TIMM50: variants seen among roughly 807,000 people sequenced by gnomAD.
The protein encoded by TIMM50 is mitochondrial import inner membrane translocase subunit TIM50.
Under a neutral mutation model 49.6 loss-of-function variants are expected in TIMM50, and 34 were observed. The ratio of observed to expected loss-of-function variants is 0.69; its 90% CI spans 0.52 to 0.91. TIMM50 has a LOEUF of 0.91. Among genes scored for constraint, TIMM50 ranks in the 40% least tolerant of loss-of-function variants. TIMM50 has a pLI of 0.00. For missense variants in TIMM50, 458 were observed against 477.8 expected, an observed-to-expected ratio of 0.96 and a Z score of 0.39; for synonymous variants, 199 against 198.4, an observed-to-expected ratio of 1.00 and a Z score of -0.03.
At position 39,485,684 on chromosome 19, in the gene TIMM50, A is replaced by C; in HGVS notation, c.373-4A>C. 3.7e-6 allele frequency: 6 copies of C among 1,613,914 alleles called. No homozygotes were observed. Among genetic ancestry groups the C allele is most frequent in the Non-Finnish European group, 5.1e-6 (6 of 1,179,988 alleles). The stretch of plus-strand genomic sequence containing the variant: ...AGCGCCCCCATCCTGTCCCTCTCCC[A>C]CAGATGATCATCGAGCCCACCAGCC... On this transcript the variant is annotated splice_polypyrimidine_tract_variant and splice_region_variant and intron_variant, in intron 5 of 10. Transcript: ENST00000607714.
Position 39,490,743 on chromosome 19 carries a change from G to A in TIMM50, c.*923G>A, listed in dbSNP as rs1481315203. ...CTATTTTAAAATGTTGGCTCCTAGC[G>A]GGGCGCAGTGGCTCACGCCTGTAAT... On this transcript the variant is annotated 3_prime_UTR_variant, in exon 11 of 11. Coordinates refer to ENST00000607714, the MANE Select transcript of TIMM50 (RefSeq NM_001001563.5). 1.3e-5 allele frequency: 2 copies of A among 151,928 alleles called. No individual in the cohort carries two copies. The highest frequency in any genetic ancestry group is 2.9e-5 in the Non-Finnish European group (2 of 68,000). 9.4% of individuals were successfully genotyped at this position (151,928 alleles called of 1,614,324 possible). A position where few individuals can be genotyped will look rare whatever the true frequency, so the allele number is the denominator to read the frequency against.
At position 39,493,488 on chromosome 19, in the gene TIMM50, A is replaced by C. The variant is rs2079561617; in HGVS notation, c.*3668A>C. 7.4e-6 allele frequency: 1 copy of C among 135,114 alleles called. No individual in the cohort carries two copies. The highest frequency in any genetic ancestry group is 1.5e-5 in the Non-Finnish European group (1 of 65,720). The allele number at this position is 135,114 out of a possible 1,614,324, so 8.4% of individuals were successfully genotyped here. On this transcript the variant is annotated 3_prime_UTR_variant, in exon 11 of 11. Transcript: ENST00000607714. The stretch of plus-strand genomic sequence containing the variant: ...CCAGATGGCCTGAAGTAACTGAAGA[A>C]TCACAAAAGAAGTGAAAAGGCCCTG...
chr19:39,486,865 T>C (rs1424672859), intron 8 of TIMM50, among the ~76,000 whole-genome samples: 1 of 152,232 alleles, frequency 6.6e-6, no homozygotes, highest in Non-Finnish European at 1.5e-5. Context: ...CGGGCTCTGT[T>C]ACTGTGGCCA....
intron 1 of TIMM50, chr19:39,481,245 G>C: frequency 2.0e-6 from 1 of 491,090 alleles, no homozygotes; most frequent in Non-Finnish European, 3.6e-6. Flanking sequence ...ACTTGAGCAG[G>C]AGGGGCCTGG....
At chr19:39,485,664 C>T in intron 5 of TIMM50, 24 bp from the exon 6 acceptor site, 1 of 1,614,110 alleles carries the variant, frequency 6.2e-7, no homozygotes, top group Non-Finnish European at 8.5e-7. Context: ...GTCTGAGCGC[C>T]CCCATCCTGT....
At position 39,489,799 on chromosome 19, in the gene TIMM50, G is replaced by T. The variant is rs1009361023; in HGVS notation, c.1041G>T (p.Trp347Cys). ...TTGGCTCCCTCACCAGCCGCTTGTG[G>T]CCTCGCTCCAAACAGCCCTGAACTC... is the stretch of plus-strand genomic sequence containing the variant. ...LFLGSLTSRL[W>C]PRSKQP The change falls in exon 11 of 11, where the codon TGG (tryptophan) becomes TGT (cysteine). Residue 347 changes from tryptophan to cysteine, a missense_variant. Physicochemically the swap from Trp to Cys is radical, Grantham distance 215. Transcript: ENST00000607714. 2 of 1,610,174 alleles carry T rather than the reference G, an allele frequency of 1.2e-6. No homozygotes were observed. Among genetic ancestry groups the T allele is most frequent in the South Asian group, 1.1e-5 (1 of 89,790 alleles).
At position 39,486,475 on chromosome 19, in the gene TIMM50, A is replaced by G. The variant is rs778570845; in HGVS notation, c.676A>G (p.Met226Val). 1.1e-5 allele frequency: 18 copies of G among 1,613,994 alleles called. No individual in the cohort carries two copies. In the Admixed American group the frequency reaches 1.7e-4, roughly 15 times the overall value. The part of the protein sequence containing the change: ...YRLFRDATRY[M>V]DGHHVKDISC... ...CCTATTCCGGGACGCCACAAGATAC[A>G]TGGATGGACACCATGTAAAGGTGCC... The change falls in exon 8 of 11, where the codon ATG becomes GTG. Residue 226 changes from methionine to valine, a missense_variant. Physicochemically the swap from Met to Val is conservative, Grantham distance 21. Transcript: ENST00000607714.
At position 39,491,845 on chromosome 19, in the gene TIMM50, A is replaced by C. The variant is rs959494625; in HGVS notation, c.*2025A>C. ...CTGTCTCAAAAAAAAAAAAAAAAAA[A>C]AAAAAACCTTAAGATTTTTTTTTGG... is the stretch of plus-strand genomic sequence containing the variant. On this transcript the variant is annotated 3_prime_UTR_variant, in exon 11 of 11. Transcript: ENST00000607714. 9 of 151,372 alleles carry C rather than the reference A, an allele frequency of 5.9e-5. No homozygotes were observed. The highest frequency in any genetic ancestry group is 1.2e-4 in the Non-Finnish European group (8 of 67,926). The allele number at this position is 151,372 out of a possible 1,614,324, so 9.4% of individuals were successfully genotyped here. A position where few individuals can be genotyped will look rare whatever the true frequency, so the allele number is the denominator to read the frequency against.
rs77082534 is a variant in TIMM50, at chr19:39,484,643, G to T, written c.314-901G>T. 5.0e-3 allele frequency among the ~76,000 whole-genome samples: 756 copies of T among 152,162 alleles called. 6 individuals carry two copies. Among genetic ancestry groups the T allele is most frequent in the African/African-American group, 0.017 (726 of 41,520 alleles). On this transcript the variant is annotated intron_variant, in intron 4 of 10. Transcript: ENST00000607714. ...CAGGGGTAGGCAGATAGACAAAATT[G>T]TTCCTAGTTCTGAACCACTGTTTTA... is the stretch of plus-strand genomic sequence containing the variant.
In TIMM50 at chr19:39,490,089, T is replaced by G; in HGVS notation, c.*269T>G. 1 of 511,468 alleles carries G rather than the reference T, an allele frequency of 2.0e-6. No homozygotes were observed. Among genetic ancestry groups the G allele is most frequent in the Non-Finnish European group, 3.5e-6 (1 of 283,058 alleles). 31.7% of individuals were successfully genotyped at this position (511,468 alleles called of 1,614,324 possible). ...TCTCGGAATCTAAAAACCCTCGCTG[T>G]GTCTTCCTGTGTGTTGCGTGATCTG... On this transcript the variant is annotated 3_prime_UTR_variant, in exon 11 of 11. Coordinates refer to ENST00000607714, the MANE Select transcript of TIMM50 (RefSeq NM_001001563.5).
At position 39,493,709 on chromosome 19, in the gene TIMM50, A is replaced by T. The variant is rs185731941; in HGVS notation, c.*3889A>T. On this transcript the variant is annotated 3_prime_UTR_variant, in exon 11 of 11. Transcript: ENST00000607714. ...AATACTATAAAACAGCCCCACCCCT[A>T]TCTCCCTTCGCTGACTCTTTTCGGA... 1 of 151,662 alleles carries T rather than the reference A, an allele frequency of 6.6e-6. No individual in the cohort carries two copies. Among genetic ancestry groups the T allele is most frequent in the African/African-American group, 2.4e-5 (1 of 41,276 alleles). 9.4% of individuals were successfully genotyped at this position (151,662 alleles called of 1,614,324 possible).
intron 8 of TIMM50, 73 bp from the exon 9 acceptor site, chr19:39,487,988 T>G: frequency 6.5e-7 from 1 of 1,546,930 alleles, no homozygotes; most frequent in Non-Finnish European, 8.7e-7. Context: ...ATGTATGTTT[T>G]GTGTGTTTTG....
At position 39,482,005 on chromosome 19, in the gene TIMM50, T is replaced by C. The variant is rs767685300; in HGVS notation, c.231T>C (p.Gly77=). The C allele has an allele frequency of 6.2e-7, 1 of 1,614,164 alleles. No homozygotes were observed. Among genetic ancestry groups the C allele is most frequent in the Admixed American group, 1.7e-5 (1 of 60,014 alleles). Residue 77 remains glycine, a synonymous_variant, in exon 2 of 11, where the codon GGT becomes GGC. Transcript: ENST00000607714. Reference sequence around the variant, plus strand: ...GGCTTGCTGGGCTGCTTGGAGCTGGTGGGACTGTGAGCGTCGTCTATATCT... The same window carrying C: ...GGCTTGCTGGGCTGCTTGGAGCTGGCGGGACTGTGAGCGTCGTCTATATCT... ...ALWLAGLLGA[G]GTVSVVYIFG... is the part of the protein sequence containing the mutation.
chr19:39,486,166 C>T, intron 6 of TIMM50, 21 bp from the exon 7 acceptor site: 1 of 1,612,312 alleles, frequency 6.2e-7, no homozygotes, highest in Non-Finnish European at 8.5e-7. Context: ...TGGTGTTTCA[C>T]TGTCCTCACT....
intron 9 of TIMM50, 102 bp from the exon 10 acceptor site, chr19:39,488,437 C>A: frequency 8.5e-7 from 1 of 1,170,002 alleles, no homozygotes; most frequent in Non-Finnish European, 1.3e-6. Context: ...TTCCAGGTAG[C>A]ACTGACTGCC....
At position 39,489,713 on chromosome 19, in the gene TIMM50, C is replaced by G. The variant is rs1304680253; in HGVS notation, c.961-6C>G. The G allele has an allele frequency of 4.4e-6, 7 of 1,602,354 alleles. No individual in the cohort carries two copies. Among genetic ancestry groups the G allele is most frequent in the Non-Finnish European group, 6.0e-6 (7 of 1,174,968 alleles). On this transcript the variant is annotated splice_polypyrimidine_tract_variant and splice_region_variant and intron_variant, in intron 10 of 10. Coordinates refer to ENST00000607714, the MANE Select transcript of TIMM50 (RefSeq NM_001001563.5). Reference sequence around the variant, plus strand: ...ACCCTCTCCTCCAACTGTCCCCCTACCCCAGGAGGAGCAGCAGCGCCTGGC... The same window carrying G: ...ACCCTCTCCTCCAACTGTCCCCCTAGCCCAGGAGGAGCAGCAGCGCCTGGC...
At position 39,489,931 on chromosome 19, in the gene TIMM50, G is replaced by T; in HGVS notation, c.*111G>T. ...GTACATCCCAGACGCCACACCTGCT[G>T]TGTCCCGAGAGTCTCCAGATGGGGG... On this transcript the variant is annotated 3_prime_UTR_variant, in exon 11 of 11. Coordinates refer to ENST00000607714, the MANE Select transcript of TIMM50 (RefSeq NM_001001563.5). The T allele has an allele frequency of 9.5e-7, 1 of 1,051,672 alleles. No homozygotes were observed. The highest frequency in any genetic ancestry group is 2.6e-5 in the East Asian group (1 of 38,486). 65.1% of individuals were successfully genotyped at this position (1,051,672 alleles called of 1,614,324 possible). A position where few individuals can be genotyped will look rare whatever the true frequency, so the allele number is the denominator to read the frequency against.
At chr19:39,489,299 T>TG (rs1421096320) in intron 10 of TIMM50, among the ~76,000 whole-genome samples, 1 of 152,016 alleles carries the variant, frequency 6.6e-6, no homozygotes, top group Non-Finnish European at 1.5e-5. Flanking sequence ...GGTTTGGACC[T>TG]GGGATCTCAC....
chr19:39,482,776 CCTCT>C, intron 2 of TIMM50, 105 bp from the exon 3 acceptor site: 1 of 1,466,650 alleles, frequency 6.8e-7, no homozygotes, highest in East Asian at 2.3e-5. Context: ...GGAGGCTGTG[CCTCT>C]CTCTTTCCTC....
Sources: allele counts gnomAD v4.1 joint callset (sites outside exome capture counted in the v4.1 genomes callset), GRCh38; gene constraint gnomAD v4.1.1; transcripts MANE v1.5; gene names NCBI Gene and HGNC (gene_info 2026-07-23, HGNC 2026-07-21).